PUDP: variants seen among roughly 807,000 people sequenced by gnomAD.
PUDP encodes the protein pseudouridine-5'-phosphatase.
A neutral mutation model predicts 9.4 loss-of-function variants in PUDP; 8 were observed. The observed-to-expected ratio is 0.85, with a 90% CI of 0.50 to 1.53. The LOEUF (loss-of-function observed/expected upper bound fraction) is 1.53, where lower values mean the gene tolerates loss of function less well. Among genes scored for constraint, PUDP ranks in the 40% most tolerant of loss-of-function variants. PUDP has a pLI of 0.00. For synonymous variants in PUDP, 99 were observed against 80.7 expected, an observed-to-expected ratio of 1.23 and a Z score of -1.22; for missense variants, 188 against 189.7, an observed-to-expected ratio of 0.99 and a Z score of 0.05.
At chrX:6,963,630 T>C (rs1928739278) in intron 3 of PUDP, among the ~76,000 whole-genome samples, 1 of 111,786 alleles carries the variant, frequency 8.9e-6, no homozygotes, top group Admixed American at 9.5e-5. Context: ...CATAAACAAA[T>C]ATGCAGGCTG....
chrX:6,788,509 C>T (rs1925685131), intron 3 of PUDP, among the ~76,000 whole-genome samples: 1 of 111,588 alleles, frequency 9.0e-6, no homozygotes, highest in African/African-American at 3.3e-5. Flanking sequence ...TCCAGACCAG[C>T]CTGGGCAACA....
intron 1 of PUDP, among the ~76,000 whole-genome samples, chrX:7,038,912 A>C (rs1231750531): frequency 9.0e-6 from 1 of 111,158 alleles, no homozygotes; most frequent in Non-Finnish European, 1.9e-5. Context: ...ATTTATTTAG[A>C]GATGGGGTCT....
intron 3 of PUDP, among the ~76,000 whole-genome samples, chrX:6,730,512 G>A (rs1924796522): frequency 9.0e-6 from 1 of 111,642 alleles, no homozygotes; most frequent in African/African-American, 3.3e-5. Context: ...TTGGTTTTGT[G>A]TGCTTCTGAG....
intron 3 of PUDP, among the ~76,000 whole-genome samples, chrX:6,772,599 AT>A (rs1925381918): frequency 1.9e-5 from 2 of 104,109 alleles, no homozygotes; most frequent in African/African-American, 7.0e-5. Flanking sequence ...TTCAGTATGG[AT>A]TATCTGACTT....
At chrX:6,979,195 T>C (rs973777464) in intron 1 of PUDP, among the ~76,000 whole-genome samples, 2 of 112,051 alleles carry the variant, frequency 1.8e-5, no homozygotes, top group African/African-American at 6.5e-5. Flanking sequence ...TTAGCATGCA[T>C]TCAACAGCAC....
downstream of PUDP, among the ~76,000 whole-genome samples, chrX:7,045,780 G>A (rs933005724): frequency 8.9e-6 from 1 of 112,034 alleles, no homozygotes; most frequent in Admixed American, 9.5e-5. Context: ...AAGATCAAGA[G>A]CAAAACCTGA....
At chrX:7,122,327 C>T (rs750847934) in intron 1 of PUDP, among the ~76,000 whole-genome samples, 1 of 110,975 alleles carries the variant, frequency 9.0e-6, no homozygotes, top group African/African-American at 3.3e-5. Context: ...TATGTACATG[C>T]ATATTGTTCT....
intron 1 of PUDP, among the ~76,000 whole-genome samples, chrX:7,016,826 T>TCTG (rs1929556509): frequency 9.0e-6 from 1 of 110,980 alleles, no homozygotes; most frequent in South Asian, 3.9e-4. Flanking sequence ...AGCAAAGACG[T>TCTG]GGTGTTTGGC....
chrX:6,888,283 TA>T (rs1927459650), intron 3 of PUDP, among the ~76,000 whole-genome samples: 1 of 110,395 alleles, frequency 9.1e-6, no homozygotes, highest in African/African-American at 3.3e-5. Context: ...AACACAGCAT[TA>T]AATCTCATTT....
At chrX:6,849,610 A>C (rs1483705398) in intron 3 of PUDP, among the ~76,000 whole-genome samples, 1 of 111,832 alleles carries the variant, frequency 8.9e-6, no homozygotes, top group Non-Finnish European at 1.9e-5. Context: ...ATACATATGC[A>C]TTTAATCATC....
At chrX:6,895,238 T>C (rs199711543) in intron 3 of PUDP, among the ~76,000 whole-genome samples, 3 of 105,950 alleles carry the variant, frequency 2.8e-5, no homozygotes, top group East Asian at 3.0e-4. Context: ...TATATATATA[T>C]ACTATATATT....
chrX:6,707,026 C>T (rs1485491505), intron 1 of PUDP, among the ~76,000 whole-genome samples: 2 of 111,692 alleles, frequency 1.8e-5, no homozygotes, highest in Non-Finnish European at 3.8e-5. Flanking sequence ...CACCCCCCAA[C>T]ACCACCAACC....
intron 3 of PUDP, among the ~76,000 whole-genome samples, chrX:6,810,322 G>A (rs1008241245): frequency 3.6e-5 from 4 of 111,069 alleles, no homozygotes; most frequent in Non-Finnish European, 5.7e-5. Context: ...CGAGATCTCC[G>A]CACATGAGCT....
At chrX:6,951,536 T>C (rs571128349) in intron 3 of PUDP, among the ~76,000 whole-genome samples, 2 of 111,931 alleles carry the variant, frequency 1.8e-5, no homozygotes, top group South Asian at 7.5e-4. Flanking sequence ...CTATTTATGC[T>C]ATGGTCACAT....
intron 3 of PUDP, among the ~76,000 whole-genome samples, chrX:6,758,917 A>C (rs1047839349): frequency 3.6e-5 from 4 of 112,106 alleles, no homozygotes; most frequent in Non-Finnish European, 7.5e-5. Context: ...GGCTATGATT[A>C]CTGGCCAAGT....
intron 3 of PUDP, among the ~76,000 whole-genome samples, chrX:6,852,006 AAT>A (rs1237645086): frequency 8.9e-6 from 1 of 112,523 alleles, no homozygotes; most frequent in African/African-American, 3.2e-5. Flanking sequence ...GGCAGATGAC[AAT>A]GTCTTCATTT....
intron 3 of PUDP, among the ~76,000 whole-genome samples, chrX:6,777,668 C>T (rs1925487285): frequency 8.9e-6 from 1 of 111,879 alleles, no homozygotes; most frequent in Admixed American, 9.5e-5. Flanking sequence ...CTTTACAGAG[C>T]TTGCCTCAAA....
chrX:6,876,974 C>CACACACACACACAT (rs538914519), intron 3 of PUDP, among the ~76,000 whole-genome samples: 2 of 107,324 alleles, frequency 1.9e-5, no homozygotes, highest in African/African-American at 7.0e-5. Flanking sequence ...CACACACACA[C>CACACACACACACAT]ACATAACACT....
chrX:7,094,309 T>C (rs1931506182), intron 2 of PUDP, among the ~76,000 whole-genome samples: 2 of 110,534 alleles, frequency 1.8e-5, no homozygotes, highest in African/African-American at 6.6e-5. Flanking sequence ...GTCACTATAT[T>C]CAGAAAAGAG....
Sources: gnomAD v4.1 joint callset for allele counts (sites outside exome capture counted in the v4.1 genomes callset) on GRCh38, gnomAD v4.1.1 for gene constraint, MANE v1.5 for transcripts, NCBI Gene and HGNC (gene_info 2026-07-23, HGNC 2026-07-21) for gene names.